The following LRRC8D variants were observed in gnomAD, a reference collection of about 807,000 sequenced individuals.
The protein encoded by LRRC8D is volume-regulated anion channel subunit LRRC8D.
A neutral mutation model predicts 55.8 loss-of-function variants in LRRC8D; 20 were observed. The ratio of observed to expected loss-of-function variants is 0.36; its 90% CI spans 0.25 to 0.52. The LOEUF (loss-of-function observed/expected upper bound fraction) is 0.52. Ranked by LOEUF, LRRC8D falls within the 20% of genes least tolerant of loss-of-function variation. The probability of loss-of-function intolerance (pLI) is 0.93; values close to 1 mark genes in which losing one functional copy is unlikely to be tolerated. For synonymous variants in LRRC8D, 352 were observed against 377.0 expected (o/e 0.93, Z 0.77); for missense variants, 651 against 1,030.8 (o/e 0.63, Z 5.05).
intron 2 of LRRC8D, among the ~76,000 whole-genome samples, chr1:89,871,272 G>A (rs1207405562): frequency 2.6e-5 from 4 of 152,170 alleles, no homozygotes; most frequent in African/African-American, 7.2e-5. Context: ...AGTCTCATGG[G>A]CAATGTAACA....
intron 2 of LRRC8D, among the ~76,000 whole-genome samples, chr1:89,931,258 G>GAAA (rs772353702): frequency 2.6e-4 from 18 of 70,494 alleles, no homozygotes; most frequent in African/African-American, 7.7e-4. Flanking sequence ...AAGGGTTTCG[G>GAAA]AAAAAAAAAA....
At chr1:89,849,824 C>T (rs1223514319) in intron 2 of LRRC8D, among the ~76,000 whole-genome samples, 1 of 152,098 alleles carries the variant, frequency 6.6e-6, no homozygotes, top group Non-Finnish European at 1.5e-5. Context: ...TCTAGTGTGT[C>T]ACTTTCCTAA....
intron 2 of LRRC8D, among the ~76,000 whole-genome samples, chr1:89,849,419 AAC>A (rs1405589468): frequency 6.6e-6 from 1 of 152,050 alleles, no homozygotes; most frequent in African/African-American, 2.4e-5. Context: ...GCGTACTAGG[AAC>A]TGCATAATTT....
At chr1:89,847,207 T>C (rs1359307236) in intron 2 of LRRC8D, among the ~76,000 whole-genome samples, 1 of 152,214 alleles carries the variant, frequency 6.6e-6, no homozygotes, top group Non-Finnish European at 1.5e-5. Context: ...AAAATTATGG[T>C]TTAATTTGTT....
intron 2 of LRRC8D, among the ~76,000 whole-genome samples, chr1:89,927,131 A>T (rs1271928152): frequency 6.6e-6 from 1 of 152,232 alleles, no homozygotes; most frequent in Non-Finnish European, 1.5e-5. Flanking sequence ...CTCTCAGGCC[A>T]GGGAAATAAA....
intron 2 of LRRC8D, among the ~76,000 whole-genome samples, chr1:89,904,253 CA>C (rs142877042): frequency 0.02 from 3,117 of 152,332 alleles, 39 homozygotes; most frequent in Non-Finnish European, 0.033. Context: ...GGCCCAGTTG[CA>C]GTTTTCATTG....
intron 2 of LRRC8D, among the ~76,000 whole-genome samples, chr1:89,867,787 A>C (rs1661889820): frequency 6.6e-6 from 1 of 152,210 alleles, no homozygotes; most frequent in South Asian, 2.1e-4. Flanking sequence ...ACATCTTTTC[A>C]TGTGAAGACA....
intron 2 of LRRC8D, among the ~76,000 whole-genome samples, chr1:89,900,450 G>C (rs1253736808): frequency 1.3e-5 from 2 of 152,094 alleles, no homozygotes; most frequent in Non-Finnish European, 2.9e-5. Flanking sequence ...TAGTTTGCCT[G>C]ATTTCTTAGT....
intron 2 of LRRC8D, among the ~76,000 whole-genome samples, chr1:89,924,057 A>G (rs1214909944): frequency 3.3e-5 from 5 of 152,282 alleles, no homozygotes; most frequent in East Asian, 3.8e-4. Context: ...GGCAATTGCA[A>G]CAAAAACAAA....
chr1:89,881,902 C>G (rs1016986304), intron 2 of LRRC8D, among the ~76,000 whole-genome samples: 1 of 152,142 alleles, frequency 6.6e-6, no homozygotes, highest in Non-Finnish European at 1.5e-5. Flanking sequence ...TGGAGTTGGC[C>G]CTGTTAACTT....
intron 2 of LRRC8D, among the ~76,000 whole-genome samples, chr1:89,918,010 G>C (rs1234984524): frequency 6.6e-6 from 1 of 152,168 alleles, no homozygotes. Flanking sequence ...CTTTCTCCAG[G>C]AATTTGCATA....
intron 2 of LRRC8D, among the ~76,000 whole-genome samples, chr1:89,861,726 C>T (rs1315390289): frequency 6.6e-6 from 1 of 152,186 alleles, no homozygotes; most frequent in African/African-American, 2.4e-5. Context: ...AGTTCTGCTC[C>T]ATGAAAGCAT....
intron 1 of LRRC8D, among the ~76,000 whole-genome samples, chr1:89,822,651 A>G (rs1452781876): frequency 6.6e-6 from 1 of 152,140 alleles, no homozygotes; most frequent in East Asian, 1.9e-4. Context: ...TGTCTACCTT[A>G]TAAACAAATA....
At chr1:89,832,885 G>A (rs1660920787) in intron 1 of LRRC8D, among the ~76,000 whole-genome samples, 1 of 152,228 alleles carries the variant, frequency 6.6e-6, no homozygotes, top group Admixed American at 6.5e-5. Context: ...GCCAGGCACT[G>A]TTTGCAGCAC....
chr1:89,920,121 A>G (rs1054734402), intron 2 of LRRC8D, among the ~76,000 whole-genome samples: 8 of 152,252 alleles, frequency 5.3e-5, no homozygotes, highest in African/African-American at 1.9e-4. Flanking sequence ...GAGAGCTAGA[A>G]GTAAAAACAA....
At chr1:89,886,854 T>A (rs751003911) in intron 2 of LRRC8D, among the ~76,000 whole-genome samples, 1 of 152,234 alleles carries the variant, frequency 6.6e-6, no homozygotes, top group African/African-American at 2.4e-5. Context: ...TATGTATTTA[T>A]ATTTTCCAAA....
intron 1 of LRRC8D, among the ~76,000 whole-genome samples, chr1:89,822,975 T>C (rs189537740): frequency 1.8e-4 from 27 of 152,320 alleles, no homozygotes; most frequent in Admixed American, 8.5e-4. Flanking sequence ...AAAGTTGATT[T>C]GGGGTGTTTG....
chr1:89,925,588 A>G (rs1663538711), intron 2 of LRRC8D, among the ~76,000 whole-genome samples: 1 of 152,178 alleles, frequency 6.6e-6, no homozygotes, highest in Non-Finnish European at 1.5e-5. Flanking sequence ...TACACCCTGA[A>G]CCTAAAATAA....
chr1:89,832,370 G>A (rs190995852), intron 1 of LRRC8D, among the ~76,000 whole-genome samples: 3 of 152,232 alleles, frequency 2.0e-5, no homozygotes, highest in East Asian at 3.9e-4. Flanking sequence ...CTGTGGGGAG[G>A]GGAACAACGT....
Sources: allele counts gnomAD v4.1 joint callset (sites outside exome capture counted in the v4.1 genomes callset), GRCh38; gene constraint gnomAD v4.1.1; transcripts MANE v1.5; gene names NCBI Gene and HGNC (gene_info 2026-07-23, HGNC 2026-07-21).